Variants in MYCBP2 observed in about 807,000 individuals in gnomAD.
MYCBP2 encodes the protein MYC binding protein 2.
A neutral mutation model predicts 525.3 loss-of-function variants in MYCBP2; 120 were observed. The observed-to-expected ratio is 0.23, with a 90% CI of 0.20 to 0.27. The LOEUF (loss-of-function observed/expected upper bound fraction) is 0.27, where lower values mean the gene tolerates loss of function less well. Ranked by LOEUF, MYCBP2 falls within the 10% of genes least tolerant of loss-of-function variation. MYCBP2 has a pLI of 1.00. For synonymous variants in MYCBP2, 1,894 were observed against 1,955.8 expected, an observed-to-expected ratio of 0.97 and a Z score of 0.83; for missense variants, 4,149 against 5,657.1, an observed-to-expected ratio of 0.73 and a Z score of 8.55.
chr13:77,050,562 G>A (rs937134176), intron 82 of MYCBP2, among the ~76,000 whole-genome samples: 2 of 150,638 alleles, frequency 1.3e-5, no homozygotes, highest in African/African-American at 4.9e-5. Flanking sequence ...TAATTCCCTT[G>A]ACTTTCTGAT....
intron 35 of MYCBP2, 41 bp from the exon 36 acceptor site, chr13:77,176,669 T>A: frequency 2.1e-6 from 3 of 1,418,488 alleles, no homozygotes; most frequent in Non-Finnish European, 2.8e-6. Context: ...CAACAGACTC[T>A]TAATTTTATT....
intron 82 of MYCBP2, 112 bp from the exon 83 acceptor site, chr13:77,045,605 G>C: frequency 1.5e-6 from 1 of 678,510 alleles, no homozygotes; most frequent in Non-Finnish European, 2.5e-6. Context: ...ACATGACTAT[G>C]GTTATACAAA....
chr13:77,187,734 A>T (rs9574011), intron 30 of MYCBP2, among the ~76,000 whole-genome samples: 5 of 152,096 alleles, frequency 3.3e-5, no homozygotes. Context: ...CGTACTAATA[A>T]GTTTTTTTGC....
At position 77,327,053 on chromosome 13, in the gene MYCBP2, T is replaced by TACCACCGCCACCACCGCC. The variant is rs1439761283; in HGVS notation, c.-296_-279dup. The stretch of plus-strand genomic sequence containing the variant: ...CCGCCACTGCCGCCGCCACCACCGC[T>TACCACCGCCACCACCGCC]ACCACCGCCACCACCGCCGGGGCTA... On this transcript the variant is annotated 5_prime_UTR_variant, in exon 1 of 83. Coordinates refer to ENST00000544440, the MANE Select transcript of MYCBP2 (RefSeq NM_015057.5). The TACCACCGCCACCACCGCC allele has an allele frequency of 3.2e-5, 14 of 436,658 alleles. No homozygotes were observed. The highest frequency in any genetic ancestry group is 1.8e-4 in the East Asian group (5 of 28,282). The allele number at this position is 436,658 out of a possible 1,614,324, so 27.0% of individuals were successfully genotyped here.
chr13:77,062,542 T>C, intron 74 of MYCBP2, 54 bp downstream of exon 74: 1 of 1,460,544 alleles, frequency 6.8e-7, no homozygotes, highest in Non-Finnish European at 9.6e-7. Context: ...TAAGCTAAGC[T>C]AAAGCTTACT....
chr13:77,119,195 G>A (rs1253362964), intron 55 of MYCBP2, among the ~76,000 whole-genome samples: 2 of 151,900 alleles, frequency 1.3e-5, no homozygotes, highest in African/African-American at 4.8e-5. Context: ...TGTACCAAAA[G>A]GTTTTACAAA....
chr13:77,064,769 C>G lies in MYCBP2; in HGVS notation c.12553-35G>C, dbSNP rs369532282. The G allele has an allele frequency of 1.8e-5, 28 of 1,579,966 alleles. No individual in the cohort carries two copies. In the African/African-American group the frequency reaches 3.7e-4, roughly 21 times the overall value. ...AGAACAGAGTATTTTAATAAGTGAC[C>G]AGAAATGTATTACCATAGTAAACTC... On this transcript the variant is annotated intron_variant, in intron 72 of 82. Coordinates refer to ENST00000544440, the MANE Select transcript of MYCBP2 (RefSeq NM_015057.5).
intron 80 of MYCBP2, among the ~76,000 whole-genome samples, chr13:77,054,673 T>A (rs2037517938): frequency 6.6e-6 from 1 of 151,104 alleles, no homozygotes; most frequent in Non-Finnish European, 1.5e-5. Context: ...CAAACACAGC[T>A]CATTGCAGCC....
intron 55 of MYCBP2, among the ~76,000 whole-genome samples, chr13:77,114,203 A>G (rs2049324368): frequency 6.6e-6 from 1 of 152,198 alleles, no homozygotes; most frequent in South Asian, 2.1e-4. Flanking sequence ...AAAAGGAACT[A>G]GGAAAGCTCA....
rs527671399 is a variant in MYCBP2, at chr13:77,288,245, G to A, written c.510C>T (p.Ala170=). The change falls in exon 3 of 83, where the codon GCC becomes GCT. Residue 170 remains alanine, a synonymous_variant. Transcript: ENST00000544440. ...EWQKKEISLA[A]ASKNSVQSGE... The stretch of plus-strand genomic sequence containing the variant: ...CACTCTGCACAGAGTTCTTAGATGC[G>A]GCTGCCAATGATATTTCCTTTTTCT... 34 of 1,614,082 alleles carry A rather than the reference G, an allele frequency of 2.1e-5. No homozygotes were observed. Among genetic ancestry groups the A allele is most frequent in the African/African-American group, 1.2e-4 (9 of 75,018 alleles).
At position 77,185,141 on chromosome 13, in the gene MYCBP2, A is replaced by C. The variant is rs775690086; in HGVS notation, c.4681T>G (p.Trp1561Gly). ...TTCAGCAGATCACAAAGGCAAGCCC[A>C]CTGTAAGGCAGGAGTTGGGTAGAAA... ...HSFYPTPALQ[W>G]ACLCDLLNCL... Residue 1561 changes from tryptophan (W) to glycine (G), a missense_variant, in exon 32 of 83, where the codon TGG becomes GGG. Physicochemically the swap from Trp to Gly is radical, Grantham distance 184. Around this residue, in one of 21 missense-constraint regions of MYCBP2, gnomAD observed 292 missense variants for 330.5 expected, o/e 0.88. Coordinates refer to ENST00000544440, the MANE Select transcript of MYCBP2 (RefSeq NM_015057.5). 1.9e-6 allele frequency: 3 copies of C among 1,614,144 alleles called. No homozygotes were observed. The highest frequency in any genetic ancestry group is 1.1e-5 in the South Asian group (1 of 91,080).
Position 77,171,519 on chromosome 13 carries a change from G to C in MYCBP2, c.5767C>G (p.Leu1923Val). ...VSTVVRASKD[L>V]LHRALAVDAD... ...TCCACAGCAAGAGCTCTGTGCAGGA[G>C]GTCCTTAGAGGCTCGAACGACAGTG... The change falls in exon 38 of 83, where the codon CTC becomes GTC. Residue 1923 changes from leucine (L) to valine (V), a missense_variant. This residue lies in a region of MYCBP2 where 692 missense variants were observed against 852.7 expected (regional missense o/e 0.81). Transcript: ENST00000544440. 6.2e-7 allele frequency: 1 copy of C among 1,614,118 alleles called. No individual in the cohort carries two copies. The highest frequency in any genetic ancestry group is 8.5e-7 in the Non-Finnish European group (1 of 1,179,980).
At chr13:77,051,354 C>G (rs1408490829) in intron 81 of MYCBP2, among the ~76,000 whole-genome samples, 192 bp from the exon 82 acceptor site, 4 of 152,228 alleles carry the variant, frequency 2.6e-5, no homozygotes, top group Non-Finnish European at 5.9e-5. Flanking sequence ...TCCAAAAGGT[C>G]TGGACAAAGA....
intron 33 of MYCBP2, 117 bp downstream of exon 33, chr13:77,181,584 T>G (rs1595192084): frequency 1.6e-6 from 1 of 610,306 alleles, no homozygotes; most frequent in East Asian, 2.9e-5. Context: ...AGCACCAAGC[T>G]AAATACGCTT....
intron 44 of MYCBP2, among the ~76,000 whole-genome samples, chr13:77,159,560 G>A (rs1013455428): frequency 6.6e-6 from 1 of 152,216 alleles, no homozygotes; most frequent in Non-Finnish European, 1.5e-5. Flanking sequence ...TGTTGGGGGA[G>A]TGACCTGGCG....
At chr13:77,087,686 A>G in intron 61 of MYCBP2, 53 bp from the exon 62 acceptor site, 3 of 1,483,930 alleles carry the variant, frequency 2.0e-6, no homozygotes, top group Non-Finnish European at 1.8e-6. Flanking sequence ...GAGTTTAAAA[A>G]GTACTCAGAA....
At chr13:77,162,997 C>T (rs1474969356) in intron 43 of MYCBP2, among the ~76,000 whole-genome samples, 1 of 152,130 alleles carries the variant, frequency 6.6e-6, no homozygotes. Flanking sequence ...TCTTCTGCAA[C>T]TTGCTTTTCT....
In MYCBP2 at chr13:77,058,769, G is replaced by A. The variant is rs1227354102; in HGVS notation, c.13141-363C>T. Among the ~76,000 whole-genome samples the A allele has an allele frequency of 1.3e-5, 2 of 152,034 alleles. No individual in the cohort carries two copies. The highest frequency in any genetic ancestry group is 6.6e-5 in the Admixed American group (1 of 15,260). On this transcript the variant is annotated intron_variant, in intron 77 of 82. Coordinates refer to ENST00000544440, the MANE Select transcript of MYCBP2 (RefSeq NM_015057.5). This position sits in a 1 kb window ranked among gnomAD's most constrained non-coding sequence, Gnocchi z 4.1. ...TGGGAGGCTGAGGTGGGCAGATCAC[G>A]AGATCAGGAGTTTGAGACCAGCCTG...
At chr13:77,099,839 G>C (rs1339626305) in intron 55 of MYCBP2, 2 of 152,060 alleles carry the variant, frequency 1.3e-5, no homozygotes, top group Non-Finnish European at 2.9e-5. Flanking sequence ...CAAAGCATTA[G>C]ATGTTTCTGC....
Sources: allele counts gnomAD v4.1 joint callset (sites outside exome capture counted in the v4.1 genomes callset), GRCh38; gene constraint gnomAD v4.1.1; regional missense constraint gnomAD v4.1.1; non-coding constraint Gnocchi (gnomAD v3.1); transcripts MANE v1.5; gene names NCBI Gene and HGNC (gene_info 2026-07-23, HGNC 2026-07-21).